Variants in ACTN1 observed in about 807,000 individuals in gnomAD.
ACTN1 encodes the protein actinin alpha 1.
A neutral mutation model predicts 119.6 loss-of-function variants in ACTN1; 30 were observed. That is an observed-to-expected ratio of 0.25 (90% CI 0.19 to 0.34). The LOEUF is 0.34. ACTN1 is among the 10% of genes least tolerant of loss of function. ACTN1 has a pLI of 1.00. For synonymous variants in ACTN1, 429 were observed against 472.6 expected (o/e 0.91, Z 1.20); for missense variants, 764 against 1,223.4 (o/e 0.62, Z 5.60).
intron 2 of ACTN1, among the ~76,000 whole-genome samples, chr14:68,923,914 T>C (rs944908262): frequency 2.0e-5 from 3 of 151,912 alleles, no homozygotes; most frequent in Non-Finnish European, 4.4e-5. Context: ...AGGTCATACA[T>C]ACAATGGAAT....
At chr14:68,892,877 C>T (rs1394201548) in intron 9 of ACTN1, among the ~76,000 whole-genome samples, 1 of 152,102 alleles carries the variant, frequency 6.6e-6, no homozygotes, top group East Asian at 1.9e-4. Flanking sequence ...TGAACACCTG[C>T]AGGGGGCCAG....
intron 8 of ACTN1, among the ~76,000 whole-genome samples, chr14:68,900,672 T>C (rs1442820232): frequency 6.6e-6 from 1 of 151,386 alleles, no homozygotes; most frequent in African/African-American, 2.4e-5. Flanking sequence ...ACACAGGAGG[T>C]CATTCAGAGG....
At chr14:68,896,685 T>G (rs1020727002) in intron 8 of ACTN1, among the ~76,000 whole-genome samples, 2 of 152,056 alleles carry the variant, frequency 1.3e-5, no homozygotes, top group African/African-American at 4.8e-5. Context: ...TGAAGCAGCT[T>G]CAGAAGCAAC....
intron 1 of ACTN1, among the ~76,000 whole-genome samples, chr14:68,960,868 T>A (rs2036512740): frequency 6.6e-6 from 1 of 151,710 alleles, no homozygotes; most frequent in African/African-American, 2.4e-5. Flanking sequence ...AGACCAGGAG[T>A]TCGAAACCAG....
intron 6 of ACTN1, among the ~76,000 whole-genome samples, chr14:68,908,784 A>G (rs187991188): frequency 1.3e-3 from 202 of 152,274 alleles, no homozygotes; most frequent in African/African-American, 4.5e-3. Flanking sequence ...CCCACTCCAC[A>G]CACCCACTCA....
intron 1 of ACTN1, among the ~76,000 whole-genome samples, chr14:68,960,649 A>G (rs942541865): frequency 2.0e-5 from 3 of 151,680 alleles, no homozygotes; most frequent in Non-Finnish European, 4.4e-5. Flanking sequence ...AGTGGCTCCT[A>G]CCTGTCAACC....
Position 68,878,717 on chromosome 14 carries a change from G to C in ACTN1, c.2362-194C>G. 1 of 1,537,018 alleles carries C rather than the reference G, an allele frequency of 6.5e-7. No individual in the cohort carries two copies. Among genetic ancestry groups the C allele is most frequent in the Non-Finnish European group, 8.7e-7 (1 of 1,147,164 alleles). On this transcript the variant is annotated intron_variant, in intron 19 of 21. Transcript: ENST00000394419. The surrounding 1 kb of genome is among the most constrained non-coding windows in gnomAD (Gnocchi z 4.4). Reference sequence around the variant, plus strand: ...CGGTGGAAATGTCCAAAGACAGGAGGAAGACAGAGCAGGGAGATGCAAAAA... The same window carrying C: ...CGGTGGAAATGTCCAAAGACAGGAGCAAGACAGAGCAGGGAGATGCAAAAA...
At chr14:68,952,426 CT>C (rs1463822649) in intron 1 of ACTN1, among the ~76,000 whole-genome samples, 1 of 152,222 alleles carries the variant, frequency 6.6e-6, no homozygotes, top group African/African-American at 2.4e-5. Flanking sequence ...CTGCTGGAGG[CT>C]GCCTGAAAGC....
chr14:68,962,136 C>T (rs1410099506), intron 1 of ACTN1, among the ~76,000 whole-genome samples: 1 of 152,220 alleles, frequency 6.6e-6, no homozygotes, highest in African/African-American at 2.4e-5. Context: ...TCAGGATCCC[C>T]ACTGATGCCA....
intron 3 of ACTN1, among the ~76,000 whole-genome samples, chr14:68,915,409 C>T (rs1420987927): frequency 1.3e-5 from 2 of 152,198 alleles, no homozygotes; most frequent in East Asian, 3.8e-4. Flanking sequence ...CTTGACCACC[C>T]AAGTTCCTCC....
intron 21 of ACTN1, 115 bp downstream of exon 21, chr14:68,876,967 A>C: frequency 7.6e-7 from 1 of 1,307,834 alleles, no homozygotes; most frequent in East Asian, 2.5e-5. Flanking sequence ...GAGAGGCCAA[A>C]GGACCCTGGA....
chr14:68,945,032 G>C (rs996379090), intron 1 of ACTN1, among the ~76,000 whole-genome samples: 1 of 151,956 alleles, frequency 6.6e-6, no homozygotes, highest in African/African-American at 2.4e-5. Flanking sequence ...TGGGTGTGGT[G>C]GCACGTGCCC....
chr14:68,904,859 CCT>C, intron 6 of ACTN1, 123 bp from the exon 7 acceptor site: 1 of 716,694 alleles, frequency 1.4e-6, no homozygotes. Flanking sequence ...CCAGCTCGAT[CCT>C]CAGGGGACAG....
intron 1 of ACTN1, among the ~76,000 whole-genome samples, chr14:68,969,338 G>A (rs2140665817): frequency 6.6e-6 from 1 of 152,250 alleles, no homozygotes; most frequent in South Asian, 2.1e-4. Flanking sequence ...GGAAACCAGG[G>A]GTCTGGCCCC....
chr14:68,950,478 A>AT lies in ACTN1; in HGVS notation c.106-24807_106-24806insA, dbSNP rs1427429961. ...TGCGTGTGTGTATATATATATATAT[A>AT]AATCAAACATATAAAATCTGTGGTA... On this transcript the variant is annotated intron_variant, in intron 1 of 21. Coordinates refer to ENST00000394419, the MANE Select transcript of ACTN1 (RefSeq NM_001130004.2). Among the ~76,000 whole-genome samples, 120 of 108,202 alleles carry AT rather than the reference A, an allele frequency of 1.1e-3. 1 individual carries two copies. The highest frequency in any genetic ancestry group is 8.5e-3 in the African/African-American group (110 of 13,012). 71.0% of individuals were successfully genotyped at this position (108,202 alleles called of 152,430 possible). A position where few individuals can be genotyped will look rare whatever the true frequency, so the allele number is the denominator to read the frequency against.
At chr14:68,926,466 G>A (rs72733531) in intron 1 of ACTN1, among the ~76,000 whole-genome samples, 1,908 of 152,330 alleles carry the variant, frequency 0.013, 25 homozygotes, top group Non-Finnish European at 0.02. Flanking sequence ...AGCATGCATC[G>A]CAGTTTTACA....
intron 11 of ACTN1, among the ~76,000 whole-genome samples, chr14:68,888,548 C>G (rs1566601335): frequency 6.6e-6 from 1 of 152,278 alleles, no homozygotes; most frequent in East Asian, 1.9e-4. Context: ...GGAACTAGAG[C>G]CAACCCCCCT....
intron 9 of ACTN1, 92 bp downstream of exon 9, chr14:68,893,563 T>C (rs1435895369): frequency 6.3e-6 from 8 of 1,261,566 alleles, no homozygotes; most frequent in African/African-American, 5.9e-5. Flanking sequence ...TATACAAGCC[T>C]GAGACTATGC....
intron 1 of ACTN1, among the ~76,000 whole-genome samples, chr14:68,961,601 G>A (rs1003891329): frequency 3.3e-5 from 5 of 152,164 alleles, no homozygotes; most frequent in African/African-American, 9.7e-5. Context: ...TGGATCCTGA[G>A]GGACCAGCCC....
Sources: gnomAD v4.1 joint callset for allele counts (sites outside exome capture counted in the v4.1 genomes callset) on GRCh38, gnomAD v4.1.1 for gene constraint, Gnocchi (gnomAD v3.1) non-coding constraint, MANE v1.5 for transcripts, NCBI Gene and HGNC (gene_info 2026-07-23, HGNC 2026-07-21) for gene names.